TEX14: variants seen among roughly 807,000 people sequenced by gnomAD.
The protein encoded by TEX14 is inactive serine/threonine-protein kinase TEX14.
Under a neutral mutation model 178.6 loss-of-function variants are expected in TEX14, and 168 were observed. The ratio of observed to expected loss-of-function variants is 0.94; its 90% confidence interval spans 0.83 to 1.07. The LOEUF (loss-of-function observed/expected upper bound fraction) is 1.07, where lower values mean the gene tolerates loss of function less well. Among genes scored for constraint, TEX14 ranks in the 50% least tolerant of loss-of-function variants. The pLI is 0.00. For missense variants in TEX14, 1,730 were observed against 1,753.6 expected (o/e 0.99, Z 0.24); for synonymous variants, 626 against 634.1 (o/e 0.99, Z 0.19).
intron 18 of TEX14, among the ~76,000 whole-genome samples, chr17:58,585,600 C>A (rs2044937730): frequency 6.6e-6 from 1 of 151,030 alleles, no homozygotes; most frequent in Non-Finnish European, 1.5e-5. Flanking sequence ...TGCCACCACG[C>A]CCAGCTAATG....
intron 14 of TEX14, 140 bp from the exon 15 acceptor site, chr17:58,593,801 A>G (rs1460785513): frequency 2.8e-6 from 2 of 704,552 alleles, no homozygotes; most frequent in Non-Finnish European, 4.8e-6. Flanking sequence ...CATGTTTCCT[A>G]TCTGCTAACC....
intron 1 of TEX14, among the ~76,000 whole-genome samples, chr17:58,687,001 G>A (rs1287843318): frequency 6.7e-6 from 1 of 150,006 alleles, no homozygotes; most frequent in Non-Finnish European, 1.5e-5. Flanking sequence ...AGTCTCCCGA[G>A]TAGCTGGGAT....
In TEX14 at chr17:58,599,213, T is replaced by C. The variant is rs767675528; in HGVS notation, c.2132A>G (p.Glu711Gly). Residue 711 changes from glutamate to glycine, a missense_variant, in exon 14 of 32, where the codon GAA becomes GGA. By Grantham distance (98) the Glu-to-Gly change is moderately conservative. Coordinates refer to ENST00000349033, the MANE Select transcript of TEX14 (RefSeq NM_031272.5). ...SSLSLPESTR[E>G]AKSNLNNMST... The stretch of plus-strand genomic sequence containing the variant: ...CATGTTGTTCAAATTGCTCTTGGCT[T>C]CTCTGGTTGACTCAGGAAGGCTGAG... 6.2e-7 allele frequency: 1 copy of C among 1,614,094 alleles called. No homozygotes were observed. The highest frequency in any genetic ancestry group is 8.5e-7 in the Non-Finnish European group (1 of 1,180,022).
In TEX14 at chr17:58,675,967, C is replaced by T. The variant is rs558185267; in HGVS notation, c.-2+15972G>A. 3.7e-4 allele frequency among the ~76,000 whole-genome samples: 56 copies of T among 152,112 alleles called. 1 individual carries two copies. In the South Asian group the frequency reaches 1.0e-2, roughly 27 times the overall value. On this transcript the variant is annotated intron_variant, in intron 1 of 31. Transcript: ENST00000349033. ...TTTAAAACTACTATGGGCCAGGTGC[C>T]GTGGCTCACACATGTATATCCCAGC...
At chr17:58,559,641 A>AAAC (rs10699411) in intron 29 of TEX14, 79 bp from the exon 30 acceptor site, 131,227 of 696,880 alleles carry the variant, frequency 0.19, 12,618 homozygotes, top group African/African-American at 0.29. Context: ...AACAAAAAAC[A>AAAC]AACAACAACA....
intron 14 of TEX14, among the ~76,000 whole-genome samples, chr17:58,598,324 A>G (rs1015597753): frequency 6.6e-6 from 1 of 151,052 alleles, no homozygotes; most frequent in Admixed American, 6.6e-5. Flanking sequence ...CCAAAAAAAA[A>G]AAAAAAAGAA....
At chr17:58,642,359 A>G (rs1443364083) in intron 2 of TEX14, among the ~76,000 whole-genome samples, 2 of 151,990 alleles carry the variant, frequency 1.3e-5, no homozygotes, top group Non-Finnish European at 2.9e-5. Context: ...GTCTTATTCA[A>G]CCGCCTCTCC....
intron 2 of TEX14, among the ~76,000 whole-genome samples, chr17:58,649,012 C>T (rs1161894266): frequency 1.3e-5 from 2 of 150,614 alleles, no homozygotes; most frequent in East Asian, 2.0e-4. Flanking sequence ...CTCCTGACCT[C>T]GTGATCCGCT....
At chr17:58,636,868 G>A (rs181975311) in intron 2 of TEX14, among the ~76,000 whole-genome samples, 10 of 150,920 alleles carry the variant, frequency 6.6e-5, no homozygotes, top group African/African-American at 9.8e-5. Context: ...AGCTGAGATC[G>A]CGCCACTACA....
At chr17:58,557,684 C>A in intron 31 of TEX14, 115 bp downstream of exon 31, 1 of 784,278 alleles carries the variant, frequency 1.3e-6, no homozygotes, top group South Asian at 1.9e-5. Flanking sequence ...GCAACTTTGT[C>A]TAAATTGGAG....
chr17:58,630,149 C>T (rs1327584352), intron 3 of TEX14, among the ~76,000 whole-genome samples: 2 of 151,706 alleles, frequency 1.3e-5, no homozygotes, highest in East Asian at 2.0e-4. Context: ...CTCCACCTCC[C>T]GGGTTCAAAT....
intron 21 of TEX14, among the ~76,000 whole-genome samples, chr17:58,574,978 G>T (rs2044641800): frequency 6.6e-6 from 1 of 152,064 alleles, no homozygotes; most frequent in African/African-American, 2.4e-5. Flanking sequence ...AGAGAGGCTT[G>T]TACCAAAAAA....
At chr17:58,586,955 G>A (rs2044992212) in intron 17 of TEX14, among the ~76,000 whole-genome samples, 1 of 152,176 alleles carries the variant, frequency 6.6e-6, no homozygotes, top group Non-Finnish European at 1.5e-5. Context: ...GTCTAGGGCT[G>A]GTTCCCTCCT....
At chr17:58,579,611 A>G (rs948158767) in intron 20 of TEX14, 54 bp downstream of exon 20, 1 of 1,467,214 alleles carries the variant, frequency 6.8e-7, no homozygotes, top group African/African-American at 1.4e-5. Flanking sequence ...GTGATCCAAC[A>G]GAAGAAATTT....
intron 17 of TEX14, among the ~76,000 whole-genome samples, chr17:58,586,746 AAAAC>A (rs907140916): frequency 6.6e-6 from 1 of 152,088 alleles, no homozygotes; most frequent in South Asian, 2.1e-4. Context: ...AGAAAAAAAA[AAAAC>A]AATCAATTCC....
intron 1 of TEX14, chr17:58,659,328 C>A (rs777951035): frequency 6.1e-6 from 6 of 983,000 alleles, no homozygotes; most frequent in Non-Finnish European, 7.2e-6. Flanking sequence ...ATTGCTAATA[C>A]CTTACCATCG....
chr17:58,637,039 G>C (rs373900459), intron 2 of TEX14, among the ~76,000 whole-genome samples: 1 of 151,902 alleles, frequency 6.6e-6, no homozygotes, highest in Non-Finnish European at 1.5e-5. Flanking sequence ...CCAGTCTGGC[G>C]AACACGGTGA....
At chr17:58,686,759 C>T (rs1046738460) in intron 1 of TEX14, among the ~76,000 whole-genome samples, 2 of 151,610 alleles carry the variant, frequency 1.3e-5, no homozygotes, top group African/African-American at 2.4e-5. Flanking sequence ...TTATCATAAC[C>T]ACCTCTAAAG....
At chr17:58,566,690 T>C (rs1418144887) in intron 26 of TEX14, among the ~76,000 whole-genome samples, 1 of 150,602 alleles carries the variant, frequency 6.6e-6, no homozygotes, top group East Asian at 2.0e-4. Flanking sequence ...TCCCAGCTAC[T>C]CAGGAGGCTG....
Sources: gnomAD v4.1 joint callset for allele counts (sites outside exome capture counted in the v4.1 genomes callset) on GRCh38, gnomAD v4.1.1 for gene constraint, MANE v1.5 for transcripts, NCBI Gene and HGNC (gene_info 2026-07-23, HGNC 2026-07-21) for gene names.